EPHA6: variants seen among roughly 807,000 people sequenced by gnomAD.
The protein encoded by EPHA6 is EPH receptor A6.
In EPHA6, 50 loss-of-function variants were observed where a neutral mutation model predicts 112.0. The ratio of observed to expected loss-of-function variants is 0.45; its 90% CI spans 0.36 to 0.56. The LOEUF is 0.56. Among genes scored for constraint, EPHA6 ranks in the 20% least tolerant of loss-of-function variants. EPHA6 has a pLI of 0.00. For synonymous variants in EPHA6, 529 were observed against 490.7 expected, an observed-to-expected ratio of 1.08 and a Z score of -1.03; for missense variants, 1,280 against 1,417.4, an observed-to-expected ratio of 0.90 and a Z score of 1.56.
At chr3:96,985,321 AATC>A (rs1316943080) in intron 2 of EPHA6, among the ~76,000 whole-genome samples, 2 of 152,182 alleles carry the variant, frequency 1.3e-5, no homozygotes, top group African/African-American at 2.4e-5. Context: ...TCAAAATAAA[AATC>A]ATCATTGGAT....
chr3:97,509,673 C>A (rs554774670), intron 10 of EPHA6, among the ~76,000 whole-genome samples: 6 of 152,180 alleles, frequency 3.9e-5, no homozygotes, highest in African/African-American at 1.4e-4. Flanking sequence ...CTTGGGGTTG[C>A]TCTTCTCAAG....
At chr3:97,419,201 G>C (rs1252267888) in intron 6 of EPHA6, among the ~76,000 whole-genome samples, 4 of 152,040 alleles carry the variant, frequency 2.6e-5, no homozygotes, top group African/African-American at 7.2e-5. Flanking sequence ...TACTCAGGAG[G>C]CTGAGGCAGG....
At chr3:97,447,848 C>A (rs73133073) in intron 6 of EPHA6, 8 of 962,876 alleles carry the variant, frequency 8.3e-6, no homozygotes, top group Admixed American at 5.9e-5. Context: ...GTCTTTCATG[C>A]CTTTCTGTGT....
At chr3:96,992,858 A>G (rs956373005) in intron 3 of EPHA6, among the ~76,000 whole-genome samples, 2 of 152,126 alleles carry the variant, frequency 1.3e-5, no homozygotes, top group African/African-American at 4.8e-5. Flanking sequence ...TTCAAGACCT[A>G]ACACCAATGT....
chr3:97,410,694 G>A (rs1306879196), intron 6 of EPHA6, among the ~76,000 whole-genome samples: 2 of 152,036 alleles, frequency 1.3e-5, no homozygotes, highest in Admixed American at 6.6e-5. Context: ...TTGATTGGGC[G>A]AATGAGTAGT....
chr3:97,400,232 T>C (rs557581340), intron 5 of EPHA6, among the ~76,000 whole-genome samples: 129 of 151,818 alleles, frequency 8.5e-4, no homozygotes, highest in Non-Finnish European at 1.5e-3. Flanking sequence ...ATGTATGTTT[T>C]TGGCATCTTT....
intron 7 of EPHA6, among the ~76,000 whole-genome samples, chr3:97,462,529 T>C (rs1028769715): frequency 6.6e-6 from 1 of 152,146 alleles, no homozygotes; most frequent in Non-Finnish European, 1.5e-5. Flanking sequence ...ACAAATTTTT[T>C]AAAATTAAAA....
chr3:96,823,961 TATTTTTACGATACC>T (rs935677632), intron 1 of EPHA6, among the ~76,000 whole-genome samples: 2 of 151,824 alleles, frequency 1.3e-5, no homozygotes, highest in Non-Finnish European at 3.0e-5. Context: ...ATTTTATTGT[TATTTTTACGATACC>T]ATAGTAGAGC....
intron 3 of EPHA6, among the ~76,000 whole-genome samples, chr3:97,191,036 C>G (rs1008515477): frequency 2.0e-5 from 3 of 152,078 alleles, no homozygotes; most frequent in Non-Finnish European, 4.4e-5. Context: ...TCTCCAGTCT[C>G]CTCGCTCCCT....
chr3:97,040,690 T>C (rs2108050851), intron 3 of EPHA6, among the ~76,000 whole-genome samples: 1 of 152,198 alleles, frequency 6.6e-6, no homozygotes, highest in Middle Eastern at 3.4e-3. Flanking sequence ...AATAAAATAG[T>C]TTTATTCTTT....
chr3:97,494,415 T>C (rs984577906), intron 10 of EPHA6, among the ~76,000 whole-genome samples: 2 of 152,202 alleles, frequency 1.3e-5, no homozygotes, highest in African/African-American at 4.8e-5. Context: ...ATATTTGTTC[T>C]TCAAACATCT....
At chr3:97,373,769 C>A (rs541188324) in intron 5 of EPHA6, among the ~76,000 whole-genome samples, 1 of 152,194 alleles carries the variant, frequency 6.6e-6, no homozygotes, top group East Asian at 1.9e-4. Context: ...AGAATTCATA[C>A]ATTGTAGTAA....
chr3:97,532,590 G>GTT, intron 11 of EPHA6, 47 bp downstream of exon 11: 3 of 1,462,846 alleles, frequency 2.1e-6, no homozygotes, highest in Non-Finnish European at 2.8e-6. Context: ...ACCTATCTCA[G>GTT]TTTTTTTTTA....
chr3:97,016,040 G>GGA (rs1553688572), intron 3 of EPHA6, among the ~76,000 whole-genome samples: 80 of 92,102 alleles, frequency 8.7e-4, no homozygotes, highest in South Asian at 3.0e-3. Context: ...CATTCTTCCT[G>GGA]AAAAAAAAAA....
intron 3 of EPHA6, among the ~76,000 whole-genome samples, chr3:97,201,140 C>T (rs1000930446): frequency 6.6e-6 from 1 of 152,084 alleles, no homozygotes; most frequent in African/African-American, 2.4e-5. Flanking sequence ...TGTTCTGCAT[C>T]TCTACTATGT....
intron 3 of EPHA6, among the ~76,000 whole-genome samples, chr3:97,182,664 G>A (rs2077021985): frequency 6.6e-6 from 1 of 152,094 alleles, no homozygotes; most frequent in Admixed American, 6.6e-5. Flanking sequence ...TGATGAGTTT[G>A]TGCAGACTAA....
At chr3:97,486,197 A>T (rs577138659) in intron 10 of EPHA6, among the ~76,000 whole-genome samples, 24 of 152,326 alleles carry the variant, frequency 1.6e-4, no homozygotes, top group African/African-American at 4.3e-4. Flanking sequence ...AGATTATCTA[A>T]ACCATGTAGT....
intron 1 of EPHA6, among the ~76,000 whole-genome samples, chr3:96,860,596 T>C (rs967288592): frequency 1.3e-5 from 2 of 152,042 alleles, no homozygotes; most frequent in Non-Finnish European, 2.9e-5. Context: ...AGTGGGAACA[T>C]AAGAAAGGTT....
intron 2 of EPHA6, among the ~76,000 whole-genome samples, chr3:96,922,926 A>T (rs1378559974): frequency 6.6e-6 from 1 of 151,948 alleles, no homozygotes; most frequent in East Asian, 1.9e-4. Flanking sequence ...TTTGTGTGTT[A>T]GTTTGCTTCC....
Sources: allele counts gnomAD v4.1 joint callset (sites outside exome capture counted in the v4.1 genomes callset), GRCh38; gene constraint gnomAD v4.1.1; transcripts MANE v1.5; gene names NCBI Gene and HGNC (gene_info 2026-07-23, HGNC 2026-07-21).